PSMB3: variants seen among roughly 807,000 people sequenced by gnomAD.
The protein encoded by PSMB3 is proteasome 20S subunit beta 3, also known as proteasome subunit beta type-3.
A neutral mutation model predicts 23.3 loss-of-function variants in PSMB3; 5 were observed. The observed-to-expected ratio is 0.21, with a 90% CI of 0.11 to 0.45. PSMB3 has a LOEUF of 0.45. Among genes scored for constraint, PSMB3 ranks in the 20% least tolerant of loss-of-function variants. The pLI is 0.99. For synonymous variants in PSMB3, 85 were observed against 99.8 expected, an observed-to-expected ratio of 0.85 and a Z score of 0.88; for missense variants, 192 against 277.9, an observed-to-expected ratio of 0.69 and a Z score of 2.20.
At chr17:38,758,575 C>T (rs979658882) in intron 3 of PSMB3, among the ~76,000 whole-genome samples, 6 of 152,138 alleles carry the variant, frequency 3.9e-5, no homozygotes, top group Admixed American at 2.6e-4. Context: ...TGCCTAGGCT[C>T]AAGCAGTCCT....
At chr17:38,761,377 G>A (rs1908433037) in intron 4 of PSMB3, among the ~76,000 whole-genome samples, 1 of 151,194 alleles carries the variant, frequency 6.6e-6, no homozygotes, top group Non-Finnish European at 1.5e-5. Flanking sequence ...GTGGTGCTGA[G>A]GAAAACAAAT....
At chr17:38,759,720 T>C (rs1908355010) in intron 3 of PSMB3, among the ~76,000 whole-genome samples, 2 of 151,986 alleles carry the variant, frequency 1.3e-5, no homozygotes, top group Admixed American at 6.6e-5. Flanking sequence ...AATTTTTTTT[T>C]GTATATTTAG....
chr17:38,757,957 GA>G (rs949264683), intron 3 of PSMB3, among the ~76,000 whole-genome samples: 8 of 150,618 alleles, frequency 5.3e-5, no homozygotes, highest in East Asian at 1.9e-4. Flanking sequence ...CCCAGCCAAC[GA>G]AAAAAAAAGT....
intron 3 of PSMB3, among the ~76,000 whole-genome samples, chr17:38,758,926 GT>G (rs1330486637): frequency 2.2e-4 from 34 of 152,244 alleles, no homozygotes; most frequent in Non-Finnish European, 4.3e-4. Context: ...GGCACCTGTA[GT>G]CCCAGCTACT....
chr17:38,756,661 A>T (rs1297185766), intron 3 of PSMB3, among the ~76,000 whole-genome samples: 1 of 151,858 alleles, frequency 6.6e-6, no homozygotes, highest in African/African-American at 2.4e-5. Flanking sequence ...ACACCCGGCT[A>T]ATTTTTGTAT....
At chr17:38,761,994 G>C (rs1908463658) in intron 4 of PSMB3, 1 of 166,314 alleles carries the variant, frequency 6.0e-6, no homozygotes, top group African/African-American at 2.4e-5. Flanking sequence ...AACAGGTTTG[G>C]GGGAAGTGGG....
At chr17:38,758,914 C>T (rs545676487) in intron 3 of PSMB3, among the ~76,000 whole-genome samples, 35 of 152,212 alleles carry the variant, frequency 2.3e-4, no homozygotes, top group African/African-American at 6.7e-4. Context: ...GGCATGGTGG[C>T]GGGCACCTGT....
chr17:38,762,759 A>G (rs921829880), intron 5 of PSMB3, among the ~76,000 whole-genome samples: 3 of 152,004 alleles, frequency 2.0e-5, no homozygotes, highest in African/African-American at 4.8e-5. Context: ...TTCCTTAACA[A>G]TGTCTCCGAA....
intron 2 of PSMB3, among the ~76,000 whole-genome samples, chr17:38,753,776 G>A (rs1398921806): frequency 6.6e-6 from 1 of 152,198 alleles, no homozygotes; most frequent in Non-Finnish European, 1.5e-5. Flanking sequence ...ACCACACCTG[G>A]CCTGACTTTG....
At chr17:38,762,266 TC>T in intron 4 of PSMB3, 144 bp from the exon 5 acceptor site, 1 of 673,574 alleles carries the variant, frequency 1.5e-6, no homozygotes, top group Non-Finnish European at 2.6e-6. Flanking sequence ...GAGAGGGGCT[TC>T]CCACATCCTG....
chr17:38,753,184 C>A lies in PSMB3; in HGVS notation c.38C>A (p.Ala13Asp), dbSNP rs1176038979. The change falls in exon 2 of 6, where the codon GCC (alanine) becomes GAC (aspartate). Residue 13 changes from alanine to aspartate, a missense_variant. Ala to Asp is a moderately radical substitution (Grantham distance 126, BLOSUM62 -2). Transcript: ENST00000619426. ...IMSYNGGAVM[A>D]MKGKNCVAIA... ...TCCTATAACGGAGGGGCCGTCATGGCCATGAAGGGGAAGAACTGTGTGGCC... is the reference window on the plus strand; with the variant it reads ...TCCTATAACGGAGGGGCCGTCATGGACATGAAGGGGAAGAACTGTGTGGCC... 6.2e-7 allele frequency: 1 copy of A among 1,614,088 alleles called. No individual in the cohort carries two copies. The highest frequency in any genetic ancestry group is 8.5e-7 in the Non-Finnish European group (1 of 1,180,044).
chr17:38,763,771 G>T (rs1908557524), intron 5 of PSMB3, among the ~76,000 whole-genome samples: 1 of 152,016 alleles, frequency 6.6e-6, no homozygotes, highest in African/African-American at 2.4e-5. Context: ...CAAAGTGCTG[G>T]GATTGCAAGC....
chr17:38,756,492 GCT>G (rs1164112214), intron 3 of PSMB3, among the ~76,000 whole-genome samples: 2 of 152,012 alleles, frequency 1.3e-5, no homozygotes, highest in African/African-American at 4.8e-5. Context: ...TATAAGTTGA[GCT>G]CTCTTTTTCT....
intron 5 of PSMB3, 22 bp from the exon 6 acceptor site, chr17:38,764,096 CT>C (rs1344059435): frequency 8.7e-6 from 14 of 1,613,970 alleles, no homozygotes; most frequent in Non-Finnish European, 1.2e-5. Context: ...GAGATGTTTT[CT>C]TGTGATTTTC....
chr17:38,761,466 C>T (rs952034471), intron 4 of PSMB3, among the ~76,000 whole-genome samples: 1 of 151,966 alleles, frequency 6.6e-6, no homozygotes, highest in Non-Finnish European at 1.5e-5. Context: ...GGTCGGCTGT[C>T]GTTATTAAGT....
rs1908473788 is a variant in PSMB3, at chr17:38,762,242, C to A, written c.475-169C>A. On this transcript the variant is annotated intron_variant, in intron 4 of 5. Coordinates refer to ENST00000619426, the MANE Select transcript of PSMB3 (RefSeq NM_002795.4). ...TTCCTTTACATAATTCTGCTTCCTTCCAAGGAAGGAGCTGAGAGGGGCTTC... is the reference window on the plus strand; with the variant it reads ...TTCCTTTACATAATTCTGCTTCCTTACAAGGAAGGAGCTGAGAGGGGCTTC... 4 of 605,622 alleles carry A rather than the reference C, an allele frequency of 6.6e-6. No homozygotes were observed. The South Asian group carries it at 8.4e-5, about 13-fold the overall frequency. 37.5% of individuals were successfully genotyped at this position (605,622 alleles called of 1,614,324 possible). A position where few individuals can be genotyped will look rare whatever the true frequency, so the allele number is the denominator to read the frequency against.
intron 3 of PSMB3, among the ~76,000 whole-genome samples, chr17:38,757,678 G>C (rs1363898107): frequency 1.3e-5 from 2 of 152,216 alleles, no homozygotes; most frequent in African/African-American, 2.4e-5. Flanking sequence ...AGCTGGGCGT[G>C]GTGGCACACA....
At chr17:38,754,591 A>G (rs1165391326) in intron 2 of PSMB3, among the ~76,000 whole-genome samples, 1 of 152,230 alleles carries the variant, frequency 6.6e-6, no homozygotes, top group Non-Finnish European at 1.5e-5. Context: ...CCTGTCTGGT[A>G]GAGTCAGAGA....
chr17:38,760,337 C>A, intron 3 of PSMB3, 94 bp from the exon 4 acceptor site: 1 of 1,403,558 alleles, frequency 7.1e-7, no homozygotes. Flanking sequence ...CCCTTTGGGT[C>A]TGGGTCTAGG....
Sources: allele counts gnomAD v4.1 joint callset (sites outside exome capture counted in the v4.1 genomes callset), GRCh38; gene constraint gnomAD v4.1.1; transcripts MANE v1.5; gene names NCBI Gene and HGNC (gene_info 2026-07-23, HGNC 2026-07-21).